RNF212B: variants seen among roughly 807,000 people sequenced by gnomAD.
RNF212B encodes E3 ubiquitin-protein ligase RNF212B.
RNF212B carries 52 observed loss-of-function variants against 55.5 expected under a neutral mutation model. The ratio of observed to expected loss-of-function variants is 0.94; its 90% CI spans 0.75 to 1.18. The LOEUF is 1.18. Ranked by LOEUF, RNF212B falls within the 50% of genes most tolerant of loss-of-function variation. The pLI, the probability that RNF212B is intolerant of heterozygous loss-of-function variation, is 0.00. For synonymous variants in RNF212B, 99 were observed against 121.4 expected (o/e 0.82, Z 1.21); for missense variants, 289 against 350.4 (o/e 0.82, Z 1.40).
upstream of RNF212B, among the ~76,000 whole-genome samples, chr14:23,236,555 A>AAAC (rs889945097): frequency 5.5e-4 from 83 of 152,220 alleles, no homozygotes; most frequent in African/African-American, 1.9e-3. Flanking sequence ...AAAAAACCCC[A>AAAC]AACAACAACA....
chr14:23,188,963 T>C (rs967769647), intron 1 of RNF212B, among the ~76,000 whole-genome samples: 1 of 152,346 alleles, frequency 6.6e-6, no homozygotes, highest in Admixed American at 6.5e-5. Context: ...CTCCTTGATA[T>C]ACCAACTAAT....
At chr14:23,211,616 C>A (rs1880527049) in intron 2 of RNF212B, among the ~76,000 whole-genome samples, 1 of 152,142 alleles carries the variant, frequency 6.6e-6, no homozygotes, top group South Asian at 2.1e-4. Flanking sequence ...TCAAACAATG[C>A]ATAAAAAGGA....
chr14:23,245,823 AC>A (rs1424037038), intron 4 of RNF212B, among the ~76,000 whole-genome samples: 1 of 152,198 alleles, frequency 6.6e-6, no homozygotes, highest in African/African-American at 2.4e-5. Context: ...TGAATCCTGC[AC>A]TGGAATATAA....
chr14:23,250,473 ACT>A (rs771699068), intron 4 of RNF212B, among the ~76,000 whole-genome samples: 8 of 124,294 alleles, frequency 6.4e-5, no homozygotes, highest in Non-Finnish European at 1.3e-4. Flanking sequence ...ACAGAGCGAG[ACT>A]CTGTCTCAAA....
intron 11 of RNF212B, among the ~76,000 whole-genome samples, chr14:23,266,402 A>ATGTTTTTTT (rs1566441117): frequency 6.4e-5 from 5 of 77,952 alleles, no homozygotes; most frequent in Non-Finnish European, 4.9e-5. Context: ...ATCCTTTTAA[A>ATGTTTTTTT]TGTTTTTTTT....
chr14:23,258,474 G>A, intron 4 of RNF212B, 75 bp from the exon 5 acceptor site: 2 of 645,290 alleles, frequency 3.1e-6, no homozygotes, highest in Non-Finnish European at 2.6e-6. Context: ...TGATTTGATG[G>A]CTTCCCTTTC....
At chr14:23,187,806 A>G (rs1877739027) in intron 1 of RNF212B, among the ~76,000 whole-genome samples, 1 of 152,186 alleles carries the variant, frequency 6.6e-6, no homozygotes, top group Admixed American at 6.5e-5. Flanking sequence ...AATTAAAGCC[A>G]ACTTTCTTCC....
At chr14:23,193,558 C>A (rs1227267045) in intron 2 of RNF212B, among the ~76,000 whole-genome samples, 1 of 152,028 alleles carries the variant, frequency 6.6e-6, no homozygotes, top group Non-Finnish European at 1.5e-5. Flanking sequence ...TGTTTGGCAG[C>A]CTGGAACATA....
intron 2 of RNF212B, among the ~76,000 whole-genome samples, chr14:23,241,583 C>G (rs1349174719): frequency 6.6e-6 from 1 of 151,988 alleles, no homozygotes; most frequent in Non-Finnish European, 1.5e-5. Flanking sequence ...ACCACCATGC[C>G]TGGCTAACTT....
rs1378426484 is a variant in RNF212B, at chr14:23,244,302, G to A, written c.154-20G>A. 1 of 1,436,538 alleles carries A rather than the reference G, an allele frequency of 7.0e-7. No individual in the cohort carries two copies. The highest frequency in any genetic ancestry group is 1.4e-5 in the African/African-American group (1 of 70,262). 89.0% of individuals were successfully genotyped at this position (1,436,538 alleles called of 1,614,324 possible). A position where few individuals can be genotyped will look rare whatever the true frequency, so the allele number is the denominator to read the frequency against. On this transcript the variant is annotated intron_variant, in intron 3 of 14. Transcript: ENST00000430154. ...ATTCAATTGTGGATATTCTCACAGT[G>A]TGTATTGCTCTCTTCGTAGCTGAAG...
At chr14:23,265,073 G>A (rs1425599606) in intron 11 of RNF212B, among the ~76,000 whole-genome samples, 1 of 152,066 alleles carries the variant, frequency 6.6e-6, no homozygotes, top group South Asian at 2.1e-4. Flanking sequence ...CGCCTTCCTC[G>A]GCCTCCCAAA....
intron 1 of RNF212B, among the ~76,000 whole-genome samples, chr14:23,187,497 C>T (rs140682579): frequency 3.5e-4 from 53 of 152,202 alleles, no homozygotes; most frequent in African/African-American, 1.1e-3. Flanking sequence ...TACAGATGTG[C>T]GCCACCACAC....
chr14:23,246,939 G>A (rs1320259215), intron 4 of RNF212B, among the ~76,000 whole-genome samples: 2 of 152,040 alleles, frequency 1.3e-5, no homozygotes, highest in East Asian at 1.9e-4. Flanking sequence ...TCCGGGGTTC[G>A]AGACCAGCCT....
chr14:23,226,718 G>A (rs796619830), intron 2 of RNF212B, among the ~76,000 whole-genome samples: 77 of 152,070 alleles, frequency 5.1e-4, no homozygotes, highest in African/African-American at 1.8e-3. Flanking sequence ...TGCTGGACCA[G>A]TCTCGTCTTA....
chr14:23,238,681 C>T (rs570918243), intron 1 of RNF212B, among the ~76,000 whole-genome samples: 46 of 151,398 alleles, frequency 3.0e-4, no homozygotes, highest in African/African-American at 1.1e-3. Flanking sequence ...CAGGCTGCAG[C>T]GAGCCCTGAT....
intron 2 of RNF212B, among the ~76,000 whole-genome samples, chr14:23,231,948 GT>G (rs1332596869): frequency 2.6e-5 from 1 of 38,384 alleles, no homozygotes; most frequent in African/African-American, 2.4e-4. Context: ...AGTGCTCAAT[GT>G]TGTTGCCCAG....
chr14:23,203,545 C>G (rs1034278548), intron 2 of RNF212B, among the ~76,000 whole-genome samples: 4 of 148,476 alleles, frequency 2.7e-5, no homozygotes, highest in Non-Finnish European at 5.9e-5. Flanking sequence ...ATGGCACGAT[C>G]TTGGCTCACT....
chr14:23,273,044 C>T lies in RNF212B; in HGVS notation c.*153C>T, dbSNP rs915878049. 1 of 511,506 alleles carries T rather than the reference C, an allele frequency of 2.0e-6. No homozygotes were observed. Among genetic ancestry groups the T allele is most frequent in the Non-Finnish European group, 3.4e-6 (1 of 290,782 alleles). The allele number at this position is 511,506 out of a possible 1,614,324, so 31.7% of individuals were successfully genotyped here. A position where few individuals can be genotyped will look rare whatever the true frequency, so the allele number is the denominator to read the frequency against. On this transcript the variant is annotated 3_prime_UTR_variant, in exon 15 of 15. Coordinates refer to ENST00000430154, the MANE Select transcript of RNF212B (RefSeq NM_001282322.3). The stretch of plus-strand genomic sequence containing the variant: ...CTCCCCCCATCTTTACCCTATTCAC[C>T]CTTATCACCTCCCAGGACAGTGGTC...
intron 5 of RNF212B, among the ~76,000 whole-genome samples, chr14:23,259,152 C>T (rs576684381): frequency 1.3e-5 from 2 of 151,864 alleles, no homozygotes; most frequent in South Asian, 2.1e-4. Context: ...GATCACACCA[C>T]GACACTCCAG....
Sources: allele counts gnomAD v4.1 joint callset (sites outside exome capture counted in the v4.1 genomes callset), GRCh38; gene constraint gnomAD v4.1.1; transcripts MANE v1.5; gene names NCBI Gene and HGNC (gene_info 2026-07-23, HGNC 2026-07-21).